SPAG16: variants seen among roughly 807,000 people sequenced by gnomAD.
The protein encoded by SPAG16 is sperm associated antigen 16, also known as sperm-associated antigen 16 protein.
A neutral mutation model predicts 80.4 loss-of-function variants in SPAG16; 86 were observed. The observed-to-expected ratio is 1.07, with a 90% confidence interval of 0.90 to 1.28. The LOEUF (loss-of-function observed/expected upper bound fraction) is 1.28. Among genes scored for constraint, SPAG16 ranks in the 50% most tolerant of loss-of-function variants. SPAG16 has a pLI of 0.00. For missense variants in SPAG16, 870 were observed against 765.3 expected, an observed-to-expected ratio of 1.14 and a Z score of -1.61; for synonymous variants, 294 against 265.9, an observed-to-expected ratio of 1.11 and a Z score of -1.03.
chr2:214,390,661 G>T (rs1701025286), intron 15 of SPAG16, among the ~76,000 whole-genome samples: 1 of 152,144 alleles, frequency 6.6e-6, no homozygotes, highest in Non-Finnish European at 1.5e-5. Context: ...ACTCCCAATG[G>T]AGTGGGAGAG....
intron 5 of SPAG16, among the ~76,000 whole-genome samples, chr2:213,333,588 C>T (rs976966522): frequency 7.2e-5 from 11 of 152,094 alleles, no homozygotes; most frequent in African/African-American, 2.7e-4. Context: ...AATCACATTA[C>T]CTGACTTCAA....
chr2:214,233,131 G>A lies in SPAG16; in HGVS notation c.1720+83865G>A, dbSNP rs200784115. Among the ~76,000 whole-genome samples the A allele has an allele frequency of 5.3e-5, 8 of 152,086 alleles. No individual in the cohort carries two copies. In the East Asian group the frequency reaches 1.2e-3, roughly 22 times the overall value. On this transcript the variant is annotated intron_variant, in intron 15 of 15. Coordinates refer to ENST00000331683, the MANE Select transcript of SPAG16 (RefSeq NM_024532.5). ...GAGCTTCACAGCAAGTCAAAAAAAG[G>A]GGGGGCCATAAGTGTTAGCATAGAG... is the stretch of plus-strand genomic sequence containing the variant.
chr2:213,541,709 A>G (rs948757458), intron 10 of SPAG16, among the ~76,000 whole-genome samples: 2 of 152,220 alleles, frequency 1.3e-5, no homozygotes, highest in African/African-American at 4.8e-5. Context: ...AAACATAAAG[A>G]ACAAGAATTT....
chr2:213,631,774 G>A (rs755000471), intron 10 of SPAG16, among the ~76,000 whole-genome samples: 1 of 152,164 alleles, frequency 6.6e-6, no homozygotes, highest in Non-Finnish European at 1.5e-5. Flanking sequence ...TGGCACCTTT[G>A]TCAAAATCGA....
intron 13 of SPAG16, among the ~76,000 whole-genome samples, chr2:214,045,944 G>C (rs546002918): frequency 6.6e-6 from 1 of 152,086 alleles, no homozygotes; most frequent in Admixed American, 6.5e-5. Context: ...AGTTAAAATT[G>C]ACATACTTTG....
At chr2:213,696,594 T>C (rs1244252143) in intron 10 of SPAG16, among the ~76,000 whole-genome samples, 1 of 152,102 alleles carries the variant, frequency 6.6e-6, no homozygotes, top group African/African-American at 2.4e-5. Context: ...ATACATGCTA[T>C]AGAAGCTAAG....
At chr2:213,612,840 C>T (rs1278497219) in intron 10 of SPAG16, among the ~76,000 whole-genome samples, 17 of 151,968 alleles carry the variant, frequency 1.1e-4, no homozygotes, top group African/African-American at 1.9e-4. Context: ...CCTGCCACCA[C>T]GCCTGGCTAA....
At chr2:213,632,962 G>A (rs1006081009) in intron 10 of SPAG16, among the ~76,000 whole-genome samples, 4 of 152,076 alleles carry the variant, frequency 2.6e-5, no homozygotes, top group African/African-American at 9.7e-5. Flanking sequence ...TCTGGTTTTG[G>A]CATCAGGCTA....
chr2:214,076,754 CAT>C (rs1165662087), intron 13 of SPAG16, among the ~76,000 whole-genome samples: 2 of 152,066 alleles, frequency 1.3e-5, no homozygotes, highest in Non-Finnish European at 2.9e-5. Flanking sequence ...CATATGAGTT[CAT>C]AGTTTGCTTT....
At chr2:214,401,826 A>G (rs779624234) in intron 15 of SPAG16, among the ~76,000 whole-genome samples, 6 of 152,020 alleles carry the variant, frequency 3.9e-5, no homozygotes, top group Admixed American at 3.9e-4. Context: ...GTTCAAACCT[A>G]TAAGTGAATT....
chr2:213,918,876 C>T (rs935604091), intron 11 of SPAG16, among the ~76,000 whole-genome samples: 1 of 151,870 alleles, frequency 6.6e-6, no homozygotes, highest in Non-Finnish European at 1.5e-5. Context: ...GTGTATGTGT[C>T]CAGGAATTTT....
At chr2:213,355,171 T>A (rs1272886389) in intron 7 of SPAG16, among the ~76,000 whole-genome samples, 1 of 152,190 alleles carries the variant, frequency 6.6e-6, no homozygotes, top group Admixed American at 6.5e-5. Context: ...ATCAGATGGT[T>A]GTAGATGTGT....
chr2:213,737,991 TTAAG>T (rs66900646), intron 10 of SPAG16, among the ~76,000 whole-genome samples: 32,631 of 152,082 alleles, frequency 0.21, 4,315 homozygotes, highest in Middle Eastern at 0.33. Flanking sequence ...ATTGAATTTC[TTAAG>T]TGTTTCTCTT....
chr2:214,369,882 C>G (rs1479060650), intron 15 of SPAG16, among the ~76,000 whole-genome samples: 1 of 152,138 alleles, frequency 6.6e-6, no homozygotes, highest in African/African-American at 2.4e-5. Flanking sequence ...TCTCTCACCT[C>G]TGGATCATGT....
At chr2:213,363,961 A>G in intron 7 of SPAG16, 115 bp from the exon 8 acceptor site, 1 of 370,128 alleles carries the variant, frequency 2.7e-6, no homozygotes, top group Non-Finnish European at 4.8e-6. Context: ...GTATAAATTT[A>G]AAAGAGATTA....
At chr2:213,860,351 A>T (rs1195158974) in intron 10 of SPAG16, among the ~76,000 whole-genome samples, 1 of 126,468 alleles carries the variant, frequency 7.9e-6, no homozygotes, top group Non-Finnish European at 1.7e-5. Flanking sequence ...AGATATATAT[A>T]TATATATATA....
At chr2:214,181,809 A>G (rs2161082) in intron 15 of SPAG16, among the ~76,000 whole-genome samples, 45,543 of 151,610 alleles carry the variant, frequency 0.3, 8,520 homozygotes, top group Non-Finnish European at 0.42. Context: ...AAACAATAGG[A>G]AAAAGACGAT....
At chr2:213,424,675 A>G (rs566607610) in intron 9 of SPAG16, among the ~76,000 whole-genome samples, 31 of 152,218 alleles carry the variant, frequency 2.0e-4, no homozygotes, top group Non-Finnish European at 4.1e-4. Flanking sequence ...TGCACCATTA[A>G]GATCTGGCTG....
At chr2:213,779,045 C>T (rs1007709130) in intron 10 of SPAG16, among the ~76,000 whole-genome samples, 4 of 152,196 alleles carry the variant, frequency 2.6e-5, no homozygotes, top group East Asian at 1.9e-4. Flanking sequence ...CAACTTCCCA[C>T]CACTAAACCT....
Sources: allele counts gnomAD v4.1 joint callset (sites outside exome capture counted in the v4.1 genomes callset), GRCh38; gene constraint gnomAD v4.1.1; transcripts MANE v1.5; gene names NCBI Gene and HGNC (gene_info 2026-07-23, HGNC 2026-07-21).